PACSIN2: variants seen among roughly 807,000 people sequenced by gnomAD.
PACSIN2 encodes protein kinase C and casein kinase substrate in neurons protein 2.
In PACSIN2, 25 loss-of-function variants were observed where a neutral mutation model predicts 63.8. The observed-to-expected ratio is 0.39, with a 90% CI of 0.29 to 0.55. The LOEUF (loss-of-function observed/expected upper bound fraction) is 0.55, where lower values mean the gene tolerates loss of function less well. Among genes scored for constraint, PACSIN2 ranks in the 20% least tolerant of loss-of-function variants. The pLI is 0.62. For synonymous variants in PACSIN2, 255 were observed against 256.2 expected (o/e 1.00, Z 0.05); for missense variants, 518 against 646.9 (o/e 0.80, Z 2.16).
chr22:42,948,052 T>C (rs1238055549), intron 1 of PACSIN2, among the ~76,000 whole-genome samples: 1 of 152,140 alleles, frequency 6.6e-6, no homozygotes, highest in Admixed American at 6.5e-5. Context: ...CCAGAAAGGG[T>C]GCCCAGGGCT....
At chr22:43,010,372 CTG>C (rs1478721692) in intron 1 of PACSIN2, among the ~76,000 whole-genome samples, 1 of 104,664 alleles carries the variant, frequency 9.6e-6, no homozygotes, top group Non-Finnish European at 2.1e-5. Context: ...AATCCCATCT[CTG>C]TTTAAAAATA....
At chr22:43,006,024 A>C (rs1924069619) in intron 1 of PACSIN2, among the ~76,000 whole-genome samples, 1 of 151,954 alleles carries the variant, frequency 6.6e-6, no homozygotes, top group Non-Finnish European at 1.5e-5. Flanking sequence ...AACTCCTGGC[A>C]TCAAGTGATC....
chr22:42,914,760 G>A (rs1176886345), intron 1 of PACSIN2, among the ~76,000 whole-genome samples: 1 of 152,234 alleles, frequency 6.6e-6, no homozygotes, highest in African/African-American at 2.4e-5. Context: ...TCCGGACTGA[G>A]AGGCAGCTTG....
chr22:42,882,194 G>C lies in PACSIN2; in HGVS notation c.896C>G (p.Pro299Arg). ...NHGPGMAMNWPQFEEWSADLN... is the reference protein window; with the variant it reads ...NHGPGMAMNWRQFEEWSADLN... Reference sequence around the variant, plus strand: ...ACACCCTCCTCTTACCTCAAACTGCGGCCAGTTCATGGCCATGCCCGGCCC... The same window carrying C: ...ACACCCTCCTCTTACCTCAAACTGCCGCCAGTTCATGGCCATGCCCGGCCC... The change falls in exon 7 of 11, where the codon CCG becomes CGG. Residue 299 changes from proline (P) to arginine (R), a missense_variant. Physicochemically the swap from Pro to Arg is moderately radical, Grantham distance 103. Coordinates refer to ENST00000263246, the MANE Select transcript of PACSIN2 (RefSeq NM_001184970.3). 3.1e-6 allele frequency: 5 copies of C among 1,614,036 alleles called. No homozygotes were observed. Among genetic ancestry groups the C allele is most frequent in the Non-Finnish European group, 4.2e-6 (5 of 1,180,004 alleles).
intron 1 of PACSIN2, among the ~76,000 whole-genome samples, chr22:42,937,470 T>G (rs901052835): frequency 6.6e-6 from 1 of 152,072 alleles, no homozygotes; most frequent in Admixed American, 6.6e-5. Flanking sequence ...ATGACCTCTT[T>G]GTTCAACTTC....
In PACSIN2 at chr22:43,014,539, C is replaced by T. The variant is rs570290246; in HGVS notation, c.-78+482G>A. ...CAGCCACGCCTTCCCTCCAGCGTTGCTCCGGCACCCTCGCCTAACCTCTGC... is the reference window on the plus strand; with the variant it reads ...CAGCCACGCCTTCCCTCCAGCGTTGTTCCGGCACCCTCGCCTAACCTCTGC... On this transcript the variant is annotated intron_variant, in intron 1 of 10. Transcript: ENST00000263246. 9.2e-5 allele frequency among the ~76,000 whole-genome samples: 14 copies of T among 152,146 alleles called. No homozygotes were observed. The South Asian group carries it at 2.9e-3, about 32-fold the overall frequency.
At chr22:42,954,655 C>T (rs1273587011) in intron 1 of PACSIN2, among the ~76,000 whole-genome samples, 6 of 152,100 alleles carry the variant, frequency 3.9e-5, no homozygotes, top group African/African-American at 7.2e-5. Flanking sequence ...TAAACAGTCA[C>T]GTGGTTAGTG....
intron 7 of PACSIN2, 69 bp from the exon 8 acceptor site, chr22:42,879,238 G>C (rs1319877955): frequency 7.7e-6 from 12 of 1,552,134 alleles, no homozygotes; most frequent in Non-Finnish European, 1.0e-5. Flanking sequence ...TCTGTCCTCA[G>C]TTCCTGCCCA....
At chr22:42,922,890 G>C (rs1360916333) in intron 1 of PACSIN2, among the ~76,000 whole-genome samples, 2 of 152,148 alleles carry the variant, frequency 1.3e-5, no homozygotes, top group Admixed American at 1.3e-4. Flanking sequence ...CAGAGAAGTA[G>C]GGCACTCTAA....
chr22:42,942,956 T>C lies in PACSIN2; in HGVS notation c.-77-30799A>G, dbSNP rs570095043. ...GTTGCTTTGGGATTTTGAAAGGGAC[T>C]GCTGTGACTCTGTAGCTCAATTTGA... is the stretch of plus-strand genomic sequence containing the variant. On this transcript the variant is annotated intron_variant, in intron 1 of 10. Coordinates refer to ENST00000263246, the MANE Select transcript of PACSIN2 (RefSeq NM_001184970.3). Among the ~76,000 whole-genome samples, 36 of 152,358 alleles carry C rather than the reference T, an allele frequency of 2.4e-4. 1 individual carries two copies. The South Asian group carries it at 6.6e-3, about 28-fold the overall frequency.
At chr22:42,903,954 G>A (rs527627142) in intron 2 of PACSIN2, among the ~76,000 whole-genome samples, 5 of 152,178 alleles carry the variant, frequency 3.3e-5, no homozygotes, top group African/African-American at 7.2e-5. Context: ...ACCCCTTGCC[G>A]TTTGATCATT....
intron 2 of PACSIN2, among the ~76,000 whole-genome samples, chr22:42,909,978 C>A (rs1398942522): frequency 6.6e-6 from 1 of 152,242 alleles, no homozygotes; most frequent in South Asian, 2.1e-4. Context: ...AAACACTTAA[C>A]GTTTATTCAT....
At chr22:42,874,563 G>A (rs1168053482) in intron 10 of PACSIN2, among the ~76,000 whole-genome samples, 1 of 152,194 alleles carries the variant, frequency 6.6e-6, no homozygotes, top group Non-Finnish European at 1.5e-5. Flanking sequence ...CTGGCCCAGG[G>A]GCATGCCAAG....
intron 5 of PACSIN2, among the ~76,000 whole-genome samples, chr22:42,886,607 A>C (rs1250729353): frequency 6.6e-6 from 1 of 152,164 alleles, no homozygotes; most frequent in African/African-American, 2.4e-5. Context: ...CTGGGACTAC[A>C]GGCACGTGCT....
intron 8 of PACSIN2, among the ~76,000 whole-genome samples, chr22:42,877,774 CT>C (rs1928756182): frequency 6.6e-6 from 1 of 152,210 alleles, no homozygotes; most frequent in African/African-American, 2.4e-5. Flanking sequence ...ACCAAGGGCC[CT>C]GGCACCCCAC....
chr22:42,890,181 T>C (rs1003863764), intron 4 of PACSIN2, among the ~76,000 whole-genome samples: 1 of 151,958 alleles, frequency 6.6e-6, no homozygotes, highest in African/African-American at 2.4e-5. Context: ...TTTGTACTTT[T>C]AGTAGAGATG....
chr22:42,996,264 T>C (rs1383059756), intron 1 of PACSIN2, among the ~76,000 whole-genome samples: 4 of 151,042 alleles, frequency 2.6e-5, no homozygotes, highest in African/African-American at 9.8e-5. Flanking sequence ...CTGGACGCGG[T>C]GGCTCACGCC....
chr22:42,992,925 A>G (rs992349027), intron 1 of PACSIN2, among the ~76,000 whole-genome samples: 4 of 152,212 alleles, frequency 2.6e-5, no homozygotes, highest in Non-Finnish European at 5.9e-5. Flanking sequence ...GCACTCTGGG[A>G]GGCTGAGGCG....
intron 1 of PACSIN2, among the ~76,000 whole-genome samples, chr22:42,984,384 C>T (rs1922462435): frequency 6.6e-6 from 1 of 152,102 alleles, no homozygotes; most frequent in Non-Finnish European, 1.5e-5. Flanking sequence ...ATTCAGAATT[C>T]TCAATTTCCC....
Sources: allele counts gnomAD v4.1 joint callset (sites outside exome capture counted in the v4.1 genomes callset), GRCh38; gene constraint gnomAD v4.1.1; transcripts MANE v1.5; gene names NCBI Gene and HGNC (gene_info 2026-07-23, HGNC 2026-07-21).